The following HOOK3 variants were observed in gnomAD, a reference collection of about 807,000 sequenced individuals.
HOOK3 encodes the protein hook microtubule tethering protein 3, also known as protein Hook homolog 3.
In HOOK3, 24 loss-of-function variants were observed where a neutral mutation model predicts 116.3. The ratio of observed to expected loss-of-function variants is 0.21; its 90% CI spans 0.15 to 0.29. The LOEUF is 0.29. Ranked by LOEUF, HOOK3 falls within the 10% of genes least tolerant of loss-of-function variation. The pLI is 1.00. For missense variants in HOOK3, 632 were observed against 830.2 expected, an observed-to-expected ratio of 0.76 and a Z score of 2.93; for synonymous variants, 275 against 283.0, an observed-to-expected ratio of 0.97 and a Z score of 0.28.
chr8:42,940,973 A>C (rs997176805), intron 4 of HOOK3, among the ~76,000 whole-genome samples: 11 of 151,404 alleles, frequency 7.3e-5, no homozygotes, highest in Admixed American at 3.3e-4. Context: ...ATGGAGTCTC[A>C]CTCTGGCATC....
intron 11 of HOOK3, among the ~76,000 whole-genome samples, chr8:42,972,589 C>G (rs939388838): frequency 6.6e-6 from 1 of 152,110 alleles, no homozygotes; most frequent in African/African-American, 2.4e-5. Flanking sequence ...ATTGTAGAGA[C>G]TGGGTCTCAC....
chr8:42,934,433 T>C (rs1807927480), intron 4 of HOOK3, among the ~76,000 whole-genome samples: 1 of 152,200 alleles, frequency 6.6e-6, no homozygotes, highest in Non-Finnish European at 1.5e-5. Flanking sequence ...GAGATACATG[T>C]GCAGAACGTG....
chr8:42,912,089 G>A (rs1332284431), intron 2 of HOOK3, among the ~76,000 whole-genome samples: 1 of 152,200 alleles, frequency 6.6e-6, no homozygotes, highest in Non-Finnish European at 1.5e-5. Context: ...GGGTAGAGGA[G>A]CAACTGGCAG....
rs749298740 is a variant in HOOK3 at position 43,010,290 on chromosome 8, G to T, written c.1739-15G>T. On this transcript the variant is annotated splice_polypyrimidine_tract_variant and intron_variant, in intron 18 of 21. Coordinates refer to ENST00000307602, the MANE Select transcript of HOOK3 (RefSeq NM_032410.4). ...ATTATCTAAATATATATATTTTACT[G>T]TGTCTCATCTGCAGCCTTAAAAATT... is the stretch of plus-strand genomic sequence containing the variant. The T allele has an allele frequency of 6.9e-6, 6 of 873,202 alleles. No homozygotes were observed. Among genetic ancestry groups the T allele is most frequent in the Non-Finnish European group, 8.0e-6 (5 of 627,162 alleles). 54.1% of individuals were successfully genotyped at this position (873,202 alleles called of 1,614,324 possible).
At chr8:42,936,662 C>A (rs1373110416) in intron 4 of HOOK3, among the ~76,000 whole-genome samples, 1 of 152,102 alleles carries the variant, frequency 6.6e-6, no homozygotes, top group Non-Finnish European at 1.5e-5. Flanking sequence ...CGGTTTTTGT[C>A]ATTGGTTCTG....
At chr8:42,986,277 A>G (rs1217723503) in intron 14 of HOOK3, among the ~76,000 whole-genome samples, 1 of 152,066 alleles carries the variant, frequency 6.6e-6, no homozygotes, top group Non-Finnish European at 1.5e-5. Context: ...CAAATATAGT[A>G]TCTTGCCACC....
At position 43,026,175 on chromosome 8, in the gene HOOK3, CAT is replaced by C. The variant is rs2130506598; in HGVS notation, c.*7678_*7679del. The C allele has an allele frequency of 4.9e-6, 1 of 204,610 alleles. No individual in the cohort carries two copies. The highest frequency in any genetic ancestry group is 1.9e-4 in the South Asian group (1 of 5,268). 12.7% of individuals were successfully genotyped at this position (204,610 alleles called of 1,614,324 possible). On this transcript the variant is annotated 3_prime_UTR_variant, in exon 22 of 22. Transcript: ENST00000307602. ...TGTTGTAAAATTAATAAAAAGGACT[CAT>C]GTTTATTCTGGTGTATTTGTCAACC...
chr8:43,014,285 GAAAAAAA>G (rs1195987584), intron 21 of HOOK3, among the ~76,000 whole-genome samples: 3 of 66,696 alleles, frequency 4.5e-5, no homozygotes, highest in East Asian at 5.1e-4. Flanking sequence ...GACTGTCTCA[GAAAAAAA>G]AAAAAAAAAA....
At chr8:42,935,587 C>A (rs1807953710) in intron 4 of HOOK3, among the ~76,000 whole-genome samples, 1 of 152,106 alleles carries the variant, frequency 6.6e-6, no homozygotes, top group African/African-American at 2.4e-5. Context: ...AGGAAGGGGT[C>A]CAGTTTCAGT....
intron 1 of HOOK3, among the ~76,000 whole-genome samples, chr8:42,903,338 C>CTTTTTTTTTTTTTTTTTT: frequency 2.3e-5 from 2 of 87,608 alleles, no homozygotes; most frequent in Non-Finnish European, 4.2e-5. Flanking sequence ...TAATAGTTGT[C>CTTTTTTTTTTTTTTTTTT]TTTTTTTTTT....
chr8:42,923,312 A>G (rs1586592692), intron 2 of HOOK3, among the ~76,000 whole-genome samples: 1 of 152,156 alleles, frequency 6.6e-6, no homozygotes, highest in African/African-American at 2.4e-5. Context: ...CATCAGTTTC[A>G]CCCCTAGGCA....
At chr8:42,971,930 A>G (rs1044143595) in intron 11 of HOOK3, among the ~76,000 whole-genome samples, 1 of 151,196 alleles carries the variant, frequency 6.6e-6, no homozygotes, top group Non-Finnish European at 1.5e-5. Flanking sequence ...CAATCTGCCC[A>G]CCTCAGTCAC....
At chr8:42,936,819 G>A (rs183930992) in intron 4 of HOOK3, among the ~76,000 whole-genome samples, 157 of 152,200 alleles carry the variant, frequency 1.0e-3, no homozygotes, top group African/African-American at 2.7e-3. Flanking sequence ...TTTTTTCATC[G>A]ATGTTCATCA....
chr8:42,988,081 C>T (rs1488234678), intron 15 of HOOK3, among the ~76,000 whole-genome samples: 1 of 152,126 alleles, frequency 6.6e-6, no homozygotes, highest in Non-Finnish European at 1.5e-5. Flanking sequence ...GAGATAGAAT[C>T]AACAAACAGT....
chr8:43,009,243 A>G (rs907987805), intron 18 of HOOK3, among the ~76,000 whole-genome samples: 5 of 152,008 alleles, frequency 3.3e-5, no homozygotes, highest in Admixed American at 6.6e-5. Flanking sequence ...CATCTCTACT[A>G]AAAATACAAA....
In HOOK3 at chr8:43,025,664, A is replaced by T. The variant is rs1318915051; in HGVS notation, c.*7166A>T. On this transcript the variant is annotated 3_prime_UTR_variant, in exon 22 of 22. Transcript: ENST00000307602. ...TTTGAGACTGTTTGGCTATTACTAA[A>T]GCTGAGAAAGTGATTTTAGGTCGCC... The T allele has an allele frequency of 4.7e-6, 1 of 214,814 alleles. No homozygotes were observed. The highest frequency in any genetic ancestry group is 7.0e-5 in the East Asian group (1 of 14,384). The allele number at this position is 214,814 out of a possible 1,614,324, so 13.3% of individuals were successfully genotyped here.
chr8:43,015,484 C>CT (rs1413819719), intron 21 of HOOK3, among the ~76,000 whole-genome samples: 1 of 152,166 alleles, frequency 6.6e-6, no homozygotes, highest in Non-Finnish European at 1.5e-5. Flanking sequence ...GATCACACCA[C>CT]TGCCCTCCAG....
intron 13 of HOOK3, among the ~76,000 whole-genome samples, chr8:42,976,177 G>A (rs1157737830): frequency 6.6e-6 from 1 of 152,048 alleles, no homozygotes. Context: ...ACCCAACAGT[G>A]CTATTCAGGT....
chr8:42,984,727 C>A (rs1249588980), intron 14 of HOOK3, among the ~76,000 whole-genome samples: 2 of 152,042 alleles, frequency 1.3e-5, no homozygotes, highest in Non-Finnish European at 2.9e-5. Context: ...CATGGCAAAA[C>A]CCTGTCACTG....
Sources: allele counts gnomAD v4.1 joint callset (sites outside exome capture counted in the v4.1 genomes callset), GRCh38; gene constraint gnomAD v4.1.1; transcripts MANE v1.5; gene names NCBI Gene and HGNC (gene_info 2026-07-23, HGNC 2026-07-21).